The following ARHGAP35 variants were observed in gnomAD, a reference collection of about 807,000 sequenced individuals.
ARHGAP35 encodes the protein Rho GTPase activating protein 35.
Under a neutral mutation model 111.1 loss-of-function variants are expected in ARHGAP35, and 15 were observed. That is an observed-to-expected ratio of 0.13 (90% CI 0.09 to 0.21). ARHGAP35 has a LOEUF of 0.21. ARHGAP35 is among the 10% of genes least tolerant of loss of function. The pLI is 1.00. For synonymous variants in ARHGAP35, 643 were observed against 710.3 expected, an observed-to-expected ratio of 0.91 and a Z score of 1.51; for missense variants, 1,262 against 1,873.0, an observed-to-expected ratio of 0.67 and a Z score of 6.02.
At chr19:46,870,381 C>T (rs2055881451) in intron 1 of ARHGAP35, among the ~76,000 whole-genome samples, 1 of 151,714 alleles carries the variant, frequency 6.6e-6, no homozygotes, top group Non-Finnish European at 1.5e-5. Context: ...AGATCGAGAC[C>T]ACCGTGGCTA....
intron 1 of ARHGAP35, among the ~76,000 whole-genome samples, chr19:46,881,874 C>T (rs1381035841): frequency 6.6e-6 from 1 of 152,192 alleles, no homozygotes; most frequent in African/African-American, 2.4e-5. Flanking sequence ...TGGGCTAGGT[C>T]TTCTAGATGA....
chr19:46,954,539 G>A (rs927619750), intron 3 of ARHGAP35, among the ~76,000 whole-genome samples: 1 of 152,214 alleles, frequency 6.6e-6, no homozygotes, highest in Non-Finnish European at 1.5e-5. Flanking sequence ...TGTAGTGCCC[G>A]GCTCCCAGGT....
intron 3 of ARHGAP35, among the ~76,000 whole-genome samples, chr19:46,939,735 T>C (rs939010361): frequency 6.6e-6 from 1 of 152,108 alleles, no homozygotes; most frequent in African/African-American, 2.4e-5. Flanking sequence ...TTTAAATACT[T>C]CAGTGGGTAT....
chr19:46,985,155 C>T (rs769238953), intron 3 of ARHGAP35, among the ~76,000 whole-genome samples: 9 of 152,176 alleles, frequency 5.9e-5, no homozygotes, highest in Non-Finnish European at 1.2e-4. Context: ...AGCCTGCTGA[C>T]ACATACCCAA....
chr19:46,888,302 AT>A (rs1568461108), intron 1 of ARHGAP35, among the ~76,000 whole-genome samples: 22 of 68,020 alleles, frequency 3.2e-4, no homozygotes, highest in Middle Eastern at 7.1e-3. Flanking sequence ...ATATATATAT[AT>A]ATATATATAT....
At chr19:46,980,055 C>T (rs190830721) in intron 3 of ARHGAP35, among the ~76,000 whole-genome samples, 123 of 152,200 alleles carry the variant, frequency 8.1e-4, no homozygotes, top group African/African-American at 2.9e-3. Context: ...CGTCGTTCTT[C>T]TCAGGCCAGA....
At chr19:46,861,515 C>T (rs1029231738) in intron 1 of ARHGAP35, among the ~76,000 whole-genome samples, 32 of 144,624 alleles carry the variant, frequency 2.2e-4, no homozygotes, top group African/African-American at 7.7e-4. Flanking sequence ...GGAGCCTACC[C>T]GACTTCAGCC....
intron 3 of ARHGAP35, among the ~76,000 whole-genome samples, chr19:46,972,306 G>T (rs370994721): frequency 6.6e-6 from 1 of 152,224 alleles, no homozygotes; most frequent in African/African-American, 2.4e-5. Flanking sequence ...CACCGCTCCC[G>T]GCCAGCTAAG....
intron 1 of ARHGAP35, among the ~76,000 whole-genome samples, 186 bp downstream of exon 1, chr19:46,861,395 C>T (rs1055697304): frequency 6.7e-6 from 1 of 148,214 alleles, no homozygotes; most frequent in African/African-American, 2.5e-5. Context: ...CGCGCGTCGG[C>T]CCGGCCCGTG....
In ARHGAP35 at chr19:47,003,106, C is replaced by T. The variant is rs6509305; in HGVS notation, c.*2418C>T. 43,692 of 152,326 alleles carry T rather than the reference C, an allele frequency of 0.29. 6,472 individuals carry two copies. Among genetic ancestry groups the T allele is most frequent in the Middle Eastern group, 0.43 (125 of 294 alleles). 9.4% of individuals were successfully genotyped at this position (152,326 alleles called of 1,614,324 possible). A position where few individuals can be genotyped will look rare whatever the true frequency, so the allele number is the denominator to read the frequency against. On this transcript the variant is annotated 3_prime_UTR_variant, in exon 7 of 7. Transcript: ENST00000672722. ...AACTTCAGCCTCTCATCTGCTGCTC[C>T]GGGCTGAGGGACTAGAGGACATCTC...
chr19:46,874,668 C>A (rs2055907182), intron 1 of ARHGAP35, among the ~76,000 whole-genome samples: 1 of 151,150 alleles, frequency 6.6e-6, no homozygotes, highest in East Asian at 1.9e-4. Context: ...CCATGCCTGG[C>A]TAATTTTTGT....
At chr19:46,878,391 G>A (rs1300195249) in intron 1 of ARHGAP35, among the ~76,000 whole-genome samples, 1 of 152,072 alleles carries the variant, frequency 6.6e-6, no homozygotes, top group Non-Finnish European at 1.5e-5. Flanking sequence ...TGCAGTCTCA[G>A]CTCACTGCAA....
At position 46,994,536 on chromosome 19, in the gene ARHGAP35, T is replaced by G. The variant is rs2056696545; in HGVS notation, c.4037-4768T>G. ...CCCAGGTTGGAGCGGGATAGCCCAG[T>G]CAGCACCGTGCTCAGCAAGTAGCAG... On this transcript the variant is annotated intron_variant, in intron 5 of 6. Coordinates refer to ENST00000672722, the MANE Select transcript of ARHGAP35 (RefSeq NM_004491.5). This position sits in a 1 kb window ranked among gnomAD's most constrained non-coding sequence, Gnocchi z 5.4. Among the ~76,000 whole-genome samples, 2 of 152,082 alleles carry G rather than the reference T, an allele frequency of 1.3e-5. No homozygotes were observed. The highest frequency in any genetic ancestry group is 1.3e-4 in the Admixed American group (2 of 15,264).
chr19:46,890,273 G>A (rs997353928), intron 1 of ARHGAP35, among the ~76,000 whole-genome samples: 3 of 152,074 alleles, frequency 2.0e-5, no homozygotes, highest in African/African-American at 7.2e-5. Flanking sequence ...TTCTTTTTTG[G>A]AAGCTTGGGT....
At chr19:46,936,801 G>A (rs1405122230) in intron 2 of ARHGAP35, among the ~76,000 whole-genome samples, 1 of 150,654 alleles carries the variant, frequency 6.6e-6, no homozygotes, top group African/African-American at 2.4e-5. Context: ...AAAATTAAAA[G>A]TAGTGAGATG....
intron 3 of ARHGAP35, among the ~76,000 whole-genome samples, chr19:46,977,282 G>C (rs929423786): frequency 6.6e-6 from 1 of 152,196 alleles, no homozygotes; most frequent in African/African-American, 2.4e-5. Flanking sequence ...AACCCACTAC[G>C]TTCCTAGTGA....
chr19:46,920,903 G>T lies in ARHGAP35; in HGVS notation c.2228G>T (p.Gly743Val), dbSNP rs775634128. ...LDPASAGIGY[G>V]RNINEKQISQ... ...CCTGCTTCTGCTGGCATTGGTTACG[G>T]ACGCAACATTAATGAAAAGCAAATC... Residue 743 changes from glycine to valine, a missense_variant, in exon 2 of 7, where the codon GGA becomes GTA. Transcript: ENST00000672722. This position sits in a 1 kb window ranked among gnomAD's most constrained non-coding sequence, Gnocchi z 7.0. 2.5e-6 allele frequency: 4 copies of T among 1,613,772 alleles called. No individual in the cohort carries two copies. The highest frequency in any genetic ancestry group is 3.4e-6 in the Non-Finnish European group (4 of 1,179,848).
At chr19:46,870,468 A>C (rs956167564) in intron 1 of ARHGAP35, among the ~76,000 whole-genome samples, 1 of 151,502 alleles carries the variant, frequency 6.6e-6, no homozygotes, top group Non-Finnish European at 1.5e-5. Context: ...AGTCCCAGCT[A>C]CTCAGGAGGC....
At chr19:46,953,790 C>T (rs1267006836) in intron 3 of ARHGAP35, among the ~76,000 whole-genome samples, 2 of 152,166 alleles carry the variant, frequency 1.3e-5, no homozygotes, top group Non-Finnish European at 1.5e-5. Flanking sequence ...AGTAAGCAGA[C>T]GGGTCACTTC....
Sources: allele counts gnomAD v4.1 joint callset (sites outside exome capture counted in the v4.1 genomes callset), GRCh38; gene constraint gnomAD v4.1.1; non-coding constraint Gnocchi (gnomAD v3.1); transcripts MANE v1.5; gene names NCBI Gene and HGNC (gene_info 2026-07-23, HGNC 2026-07-21).